Variants in NEBL observed in about 807,000 individuals in gnomAD.
NEBL encodes nebulette.
Under a neutral mutation model 140.2 loss-of-function variants are expected in NEBL, and 122 were observed. That is an observed-to-expected ratio of 0.87 (90% CI 0.75 to 1.01). The LOEUF is 1.01. Among genes scored for constraint, NEBL ranks in the 50% least tolerant of loss-of-function variants. NEBL has a pLI of 0.00. For missense variants in NEBL, 1,365 were observed against 1,231.3 expected, an observed-to-expected ratio of 1.11 and a Z score of -1.62; for synonymous variants, 436 against 398.9, an observed-to-expected ratio of 1.09 and a Z score of -1.11.
Position 20,783,181 on chromosome 10 carries a change from T to C in NEBL, c.*2566A>G, listed in dbSNP as rs1184207358. On this transcript the variant is annotated 3_prime_UTR_variant, in exon 28 of 28. Transcript: ENST00000377122. Reference sequence around the variant, plus strand: ...AAAGTTGTTCAGGCATGTCATTTTTTTTTAAATGATGCTTTTAAAAATAGC... The same window carrying C: ...AAAGTTGTTCAGGCATGTCATTTTTCTTTAAATGATGCTTTTAAAAATAGC... 2.0e-5 allele frequency: 3 copies of C among 152,486 alleles called. No individual in the cohort carries two copies. In the East Asian group the frequency reaches 5.8e-4, roughly 29 times the overall value. The allele number at this position is 152,486 out of a possible 1,614,324, so 9.4% of individuals were successfully genotyped here.
intron 18 of NEBL, among the ~76,000 whole-genome samples, chr10:20,824,947 A>G (rs893507587): frequency 6.6e-6 from 1 of 152,164 alleles, no homozygotes; most frequent in Non-Finnish European, 1.5e-5. Flanking sequence ...CTTCTCTCCC[A>G]ACCTAATTCA....
At chr10:21,057,542 CTTTT>C (rs5783764) in intron 2 of NEBL, among the ~76,000 whole-genome samples, 3 of 71,728 alleles carry the variant, frequency 4.2e-5, no homozygotes, top group East Asian at 9.6e-4. Context: ...AATGAAATTC[CTTTT>C]TTTTTTTTTT....
At chr10:21,147,858 A>G (rs990718257) in intron 2 of NEBL, among the ~76,000 whole-genome samples, 5 of 152,194 alleles carry the variant, frequency 3.3e-5, no homozygotes, top group Admixed American at 6.5e-5. Context: ...CCTGTCGCCA[A>G]CCAAATTCAA....
intron 2 of NEBL, among the ~76,000 whole-genome samples, chr10:21,152,112 G>GA (rs2132129432): frequency 6.6e-6 from 1 of 152,266 alleles, no homozygotes; most frequent in Non-Finnish European, 1.5e-5. Flanking sequence ...CCGCTATCCG[G>GA]AAATGGGACA....
intron 27 of NEBL, 88 bp from the exon 28 acceptor site, chr10:20,786,011 G>A: frequency 8.0e-7 from 1 of 1,252,150 alleles, no homozygotes; most frequent in African/African-American, 1.5e-5. Flanking sequence ...CACACATAAA[G>A]TAACTATTAG....
At chr10:21,005,083 C>G (rs1039113941) in intron 3 of NEBL, among the ~76,000 whole-genome samples, 2 of 152,176 alleles carry the variant, frequency 1.3e-5, no homozygotes, top group African/African-American at 4.8e-5. Flanking sequence ...CTCCATTTTG[C>G]ACGCTCACAA....
chr10:21,062,257 G>A (rs1000064808), intron 2 of NEBL, among the ~76,000 whole-genome samples: 6 of 152,108 alleles, frequency 3.9e-5, no homozygotes, highest in Non-Finnish European at 7.3e-5. Flanking sequence ...ACATCACAGC[G>A]TGAGAGACTG....
intron 1 of NEBL, among the ~76,000 whole-genome samples, chr10:21,286,904 G>A (rs1343704921): frequency 6.6e-6 from 1 of 152,096 alleles, no homozygotes; most frequent in African/African-American, 2.4e-5. Flanking sequence ...CAGACAATTT[G>A]ACCTTTGTTC....
chr10:21,229,905 C>A (rs1220848917), intron 3 of NEBL, among the ~76,000 whole-genome samples: 1 of 152,206 alleles, frequency 6.6e-6, no homozygotes, highest in Non-Finnish European at 1.5e-5. Context: ...AGAGCAGAAG[C>A]TTTTCCTTTT....
At chr10:21,045,447 C>T (rs1564491536) in intron 2 of NEBL, among the ~76,000 whole-genome samples, 1 of 152,136 alleles carries the variant, frequency 6.6e-6, no homozygotes, top group African/African-American at 2.4e-5. Flanking sequence ...ACACCAAAAA[C>T]CACTGTGAAT....
chr10:21,135,866 C>T (rs1027407221), intron 2 of NEBL, among the ~76,000 whole-genome samples: 31 of 152,168 alleles, frequency 2.0e-4, no homozygotes, highest in South Asian at 2.1e-4. Context: ...TCCTCAAACC[C>T]GGCCAGGATG....
At chr10:21,117,590 G>T (rs1182626980) in intron 2 of NEBL, among the ~76,000 whole-genome samples, 4 of 152,174 alleles carry the variant, frequency 2.6e-5, no homozygotes, top group Non-Finnish European at 5.9e-5. Context: ...TCTCTGAAAG[G>T]TCACTGTCTG....
At chr10:21,133,426 G>C (rs1451168729) in intron 2 of NEBL, among the ~76,000 whole-genome samples, 1 of 152,110 alleles carries the variant, frequency 6.6e-6, no homozygotes, top group Non-Finnish European at 1.5e-5. Flanking sequence ...AATCAGTGTG[G>C]GGCAGTCCAT....
intron 3 of NEBL, among the ~76,000 whole-genome samples, chr10:21,194,771 G>C (rs1841623118): frequency 6.6e-6 from 1 of 152,014 alleles, no homozygotes; most frequent in South Asian, 2.1e-4. Context: ...AGCTACTTTG[G>C]TTCAAGTTTT....
chr10:20,822,215 CT>C (rs1839389860), intron 19 of NEBL, among the ~76,000 whole-genome samples: 1 of 152,126 alleles, frequency 6.6e-6, no homozygotes, highest in Non-Finnish European at 1.5e-5. Flanking sequence ...CCCACGACCC[CT>C]AATCTCAGGG....
upstream of NEBL, among the ~76,000 whole-genome samples, chr10:21,178,844 G>A (rs1841343489): frequency 6.6e-6 from 1 of 152,210 alleles, no homozygotes; most frequent in African/African-American, 2.4e-5. Context: ...AAGAAAGGTA[G>A]GAGGACAAGC....
intron 2 of NEBL, among the ~76,000 whole-genome samples, chr10:21,168,776 C>T (rs1047115930): frequency 1.5e-4 from 22 of 151,612 alleles, no homozygotes; most frequent in Admixed American, 9.9e-4. Flanking sequence ...TGGCCGGGCG[C>T]GGTGGCTCAT....
chr10:21,128,433 T>C (rs1023275344), intron 2 of NEBL, among the ~76,000 whole-genome samples: 2 of 152,238 alleles, frequency 1.3e-5, no homozygotes, highest in East Asian at 1.9e-4. Flanking sequence ...CAAATACTCA[T>C]GTACACTTTA....
In NEBL at chr10:21,119,247, G is replaced by C. The variant is rs144352590; in HGVS notation, c.164+53136C>G. Among the ~76,000 whole-genome samples the C allele has an allele frequency of 3.4e-3, 518 of 151,996 alleles. 2 individuals are homozygous for C. Among genetic ancestry groups the C allele is most frequent in the African/African-American group, 0.012 (501 of 41,474 alleles). On this transcript the variant is annotated intron_variant, in intron 2 of 6. Transcript: ENST00000417816. ...TCCACTACCTCATCTCTAACACAAA[G>C]TTCTTTCTTCCTAACTTTTTATTTT...
Sources: gnomAD v4.1 joint callset for allele counts (sites outside exome capture counted in the v4.1 genomes callset) on GRCh38, gnomAD v4.1.1 for gene constraint, MANE v1.5 for transcripts, NCBI Gene and HGNC (gene_info 2026-07-23, HGNC 2026-07-21) for gene names.